The following POU2F1 variants were observed in gnomAD, a reference collection of about 807,000 sequenced individuals.
POU2F1 encodes POU domain, class 2, transcription factor 1.
In POU2F1, 16 loss-of-function variants were observed where a neutral mutation model predicts 84.9. The ratio of observed to expected loss-of-function variants is 0.19; its 90% confidence interval spans 0.13 to 0.29. The LOEUF (loss-of-function observed/expected upper bound fraction) is 0.29, where lower values mean the gene tolerates loss of function less well. Among genes scored for constraint, POU2F1 ranks in the 10% least tolerant of loss-of-function variants. The pLI is 1.00. For synonymous variants in POU2F1, 368 were observed against 368.3 expected (o/e 1.00, Z 0.01); for missense variants, 738 against 942.6 (o/e 0.78, Z 2.84).
At chr1:167,295,176 G>C (rs887682572) in intron 1 of POU2F1, among the ~76,000 whole-genome samples, 2 of 151,284 alleles carry the variant, frequency 1.3e-5, no homozygotes, top group Non-Finnish European at 1.5e-5. Context: ...TCCCACTACA[G>C]GGTATCTACC....
intron 2 of POU2F1, among the ~76,000 whole-genome samples, chr1:167,344,068 C>G (rs1436492045): frequency 6.6e-6 from 1 of 151,912 alleles, no homozygotes; most frequent in Non-Finnish European, 1.5e-5. Context: ...GCATGTGGCT[C>G]TTTAAATTTA....
chr1:167,368,838 A>G (rs1450364858), intron 3 of POU2F1, among the ~76,000 whole-genome samples: 1 of 152,218 alleles, frequency 6.6e-6, no homozygotes, highest in East Asian at 1.9e-4. Context: ...CAACATTTAT[A>G]TTTAATCTCA....
In POU2F1 at chr1:167,374,111, A is replaced by C. The variant is rs1410434924; in HGVS notation, c.406A>C (p.Thr136Pro). ...AATGTGTTCTGGTTTTGTTTAGCTT[A>C]CTTTGACGCCTGCCCAGCAACAGTT... Reference protein sequence around the residue: ...MLAGGQITGLTLTPAQQQLLL... With the variant: ...MLAGGQITGLPLTPAQQQLLL... Residue 136 changes from threonine to proline, a missense_variant, in exon 6 of 16, where the codon ACT becomes CCT. This residue lies in a region of POU2F1 where 163 missense variants were observed against 214.4 expected (regional missense o/e 0.76). Coordinates refer to ENST00000367866, the MANE Select transcript of POU2F1 (RefSeq NM_002697.4). 1 of 1,613,928 alleles carries C rather than the reference A, an allele frequency of 6.2e-7. No homozygotes were observed. The highest frequency in any genetic ancestry group is 8.5e-7 in the Non-Finnish European group (1 of 1,179,994).
intron 3 of POU2F1, among the ~76,000 whole-genome samples, chr1:167,367,452 A>G (rs911426764): frequency 2.0e-5 from 3 of 152,224 alleles, no homozygotes; most frequent in East Asian, 3.8e-4. Context: ...GTATGAGACT[A>G]CTGAGGAAGA....
intron 9 of POU2F1, among the ~76,000 whole-genome samples, chr1:167,395,576 A>G (rs1258356415): frequency 6.6e-6 from 1 of 152,136 alleles, no homozygotes; most frequent in Non-Finnish European, 1.5e-5. Flanking sequence ...TAGGTGATAC[A>G]GATAAATTTA....
chr1:167,365,510 T>C lies in POU2F1; in HGVS notation c.171T>C (p.Pro57=), dbSNP rs369768058. The C allele has an allele frequency of 2.5e-6, 4 of 1,604,016 alleles. No individual in the cohort carries two copies. The highest frequency in any genetic ancestry group is 3.4e-6 in the Non-Finnish European group (4 of 1,175,750). ...NGLDFQKQPV[P]VGGAISTAQA... ...TGGACTTTCAGAAGCAGCCTGTGCC[T>C]GTAGGAGGAGCAATCTCAACAGCCC... The change falls in exon 3 of 16, where the codon CCT becomes CCC. Residue 57 remains proline (P), a synonymous_variant. Coordinates refer to ENST00000367866, the MANE Select transcript of POU2F1 (RefSeq NM_002697.4).
At chr1:167,286,769 G>C (rs370180733) in intron 1 of POU2F1, among the ~76,000 whole-genome samples, 1 of 152,106 alleles carries the variant, frequency 6.6e-6, no homozygotes, top group East Asian at 1.9e-4. Flanking sequence ...TTTTGAAGAT[G>C]GAAATTATTG....
rs1650312157 is a variant in POU2F1, at chr1:167,416,212, G to A, written c.*402G>A. 1.3e-5 allele frequency: 4 copies of A among 304,622 alleles called. No homozygotes were observed. Among genetic ancestry groups the A allele is most frequent in the African/African-American group, 2.2e-5 (1 of 44,692 alleles). The allele number at this position is 304,622 out of a possible 1,614,324, so 18.9% of individuals were successfully genotyped here. On this transcript the variant is annotated 3_prime_UTR_variant, in exon 16 of 16. Coordinates refer to ENST00000367866, the MANE Select transcript of POU2F1 (RefSeq NM_002697.4). ...TGGGTTACCAATTCCAATATAGGAA[G>A]GGGATTTCTTGTTTGTCTAAATTTC...
chr1:167,323,837 C>T (rs1056330789), intron 1 of POU2F1, among the ~76,000 whole-genome samples: 3 of 152,056 alleles, frequency 2.0e-5, no homozygotes, highest in Non-Finnish European at 2.9e-5. Flanking sequence ...GGACTATAGG[C>T]GCATGCCATC....
At chr1:167,252,993 A>G (rs1437583872) in intron 1 of POU2F1, among the ~76,000 whole-genome samples, 1 of 152,230 alleles carries the variant, frequency 6.6e-6, no homozygotes, top group Non-Finnish European at 1.5e-5. Context: ...GATTTACATA[A>G]TCTAATTGGA....
intron 1 of POU2F1, among the ~76,000 whole-genome samples, chr1:167,255,811 T>C (rs1269102589): frequency 6.6e-6 from 1 of 152,134 alleles, no homozygotes; most frequent in African/African-American, 2.4e-5. Context: ...ATGAAGAATA[T>C]GGTTGATGTG....
intron 1 of POU2F1, among the ~76,000 whole-genome samples, chr1:167,318,560 A>G (rs1287772747): frequency 6.6e-6 from 1 of 152,210 alleles, no homozygotes; most frequent in South Asian, 2.1e-4. Context: ...TGAGGGCCGT[A>G]TGCCTCAATT....
rs1213091002 is a variant in POU2F1 at position 167,418,979 on chromosome 1, A to G, written c.*3169A>G. 2 of 152,232 alleles carry G rather than the reference A, an allele frequency of 1.3e-5. No homozygotes were observed. The highest frequency in any genetic ancestry group is 4.8e-5 in the African/African-American group (2 of 41,474). 9.4% of individuals were successfully genotyped at this position (152,232 alleles called of 1,614,324 possible). A position where few individuals can be genotyped will look rare whatever the true frequency, so the allele number is the denominator to read the frequency against. ...TGTGAAATGAAAGGTACATTTACAC[A>G]TGTACACACGAAACACTAATATAGC... On this transcript the variant is annotated 3_prime_UTR_variant, in exon 16 of 16. Coordinates refer to ENST00000367866, the MANE Select transcript of POU2F1 (RefSeq NM_002697.4).
intron 1 of POU2F1, among the ~76,000 whole-genome samples, chr1:167,293,563 A>G (rs767097446): frequency 2.6e-5 from 4 of 152,220 alleles, no homozygotes; most frequent in Non-Finnish European, 5.9e-5. Flanking sequence ...TGCAGTCCCT[A>G]TCAAAATACC....
At chr1:167,374,836 G>A (rs1196054880) in intron 6 of POU2F1, among the ~76,000 whole-genome samples, 1 of 152,198 alleles carries the variant, frequency 6.6e-6, no homozygotes. Context: ...GGGAGGCCGA[G>A]GCGGGCGGAT....
chr1:167,424,486 T>C lies in POU2F1; in HGVS notation c.*8676T>C, dbSNP rs1650832032. On this transcript the variant is annotated 3_prime_UTR_variant, in exon 16 of 16. Transcript: ENST00000367866. ...AGGCTAGGTGAGTAAGCGTGGGCTG[T>C]TCTACCCACCAGAAGTCCAGGAGCT... 1 of 152,382 alleles carries C rather than the reference T, an allele frequency of 6.6e-6. No homozygotes were observed. Among genetic ancestry groups the C allele is most frequent in the East Asian group, 1.9e-4 (1 of 5,184 alleles). The allele number at this position is 152,382 out of a possible 1,614,324, so 9.4% of individuals were successfully genotyped here.
chr1:167,353,361 T>C (rs1658708912), intron 2 of POU2F1, among the ~76,000 whole-genome samples: 1 of 152,052 alleles, frequency 6.6e-6, no homozygotes, highest in Admixed American at 6.5e-5. Flanking sequence ...TTTTTTTTTT[T>C]TTGCATCTGA....
chr1:167,254,290 C>T (rs1250647952), intron 1 of POU2F1, among the ~76,000 whole-genome samples: 5 of 152,028 alleles, frequency 3.3e-5, no homozygotes, highest in Non-Finnish European at 7.4e-5. Context: ...AATGTAGGTT[C>T]GATCAATGTT....
At chr1:167,362,039 G>A (rs142308957) in intron 2 of POU2F1, among the ~76,000 whole-genome samples, 3 of 151,942 alleles carry the variant, frequency 2.0e-5, no homozygotes, top group African/African-American at 2.4e-5. Flanking sequence ...GTTTTGGCCC[G>A]CAATGTACCT....
Sources: allele counts gnomAD v4.1 joint callset (sites outside exome capture counted in the v4.1 genomes callset), GRCh38; gene constraint gnomAD v4.1.1; regional missense constraint gnomAD v4.1.1; transcripts MANE v1.5; gene names NCBI Gene and HGNC (gene_info 2026-07-23, HGNC 2026-07-21).